Variants in SWAP70 observed in about 807,000 individuals in gnomAD.
SWAP70 encodes switch-associated protein 70.
Under a neutral mutation model 80.2 loss-of-function variants are expected in SWAP70, and 34 were observed. The ratio of observed to expected loss-of-function variants is 0.42; its 90% confidence interval spans 0.32 to 0.56. The LOEUF is 0.56. SWAP70 is among the 20% of genes least tolerant of loss of function. The probability of loss-of-function intolerance (pLI) is 0.09; values close to 1 mark genes in which losing one functional copy is unlikely to be tolerated. For missense variants in SWAP70, 578 were observed against 690.7 expected, an observed-to-expected ratio of 0.84 and a Z score of 1.83; for synonymous variants, 239 against 238.5, an observed-to-expected ratio of 1.00 and a Z score of -0.02.
At chr11:9,736,088 G>A (rs1851359776) in intron 7 of SWAP70, among the ~76,000 whole-genome samples, 2 of 151,784 alleles carry the variant, frequency 1.3e-5, no homozygotes, top group African/African-American at 4.8e-5. Flanking sequence ...AATTTCTATA[G>A]ATCTGTCTTT....
At chr11:9,695,124 A>G (rs1018896731) in intron 2 of SWAP70, among the ~76,000 whole-genome samples, 4 of 152,142 alleles carry the variant, frequency 2.6e-5, no homozygotes, top group Non-Finnish European at 4.4e-5. Flanking sequence ...CCCCATCTCT[A>G]TTAAAAATAC....
intron 2 of SWAP70, among the ~76,000 whole-genome samples, chr11:9,701,296 C>T (rs1000018905): frequency 1.3e-5 from 2 of 151,768 alleles, no homozygotes; most frequent in East Asian, 3.9e-4. Flanking sequence ...CTCAGCCTCC[C>T]GAGTAGCTGG....
chr11:9,749,869 A>G lies in SWAP70; in HGVS notation c.1657A>G (p.Lys553Glu). The G allele has an allele frequency of 6.2e-7, 1 of 1,610,910 alleles. No homozygotes were observed. Among genetic ancestry groups the G allele is most frequent in the Non-Finnish European group, 8.5e-7 (1 of 1,177,142 alleles). ...GLIRLIEPGS[K>E]NPHLITNWGP... Reference sequence around the variant, plus strand: ...AAAGCATGTTTGCCTCTTAGGTTCAAAGAACCCTCACCTGATCACTAACTG... The same window carrying G: ...AAAGCATGTTTGCCTCTTAGGTTCAGAGAACCCTCACCTGATCACTAACTG... The change falls in exon 12 of 12, where the codon AAG becomes GAG. Residue 553 changes from lysine (K) to glutamate (E), a missense_variant. Transcript: ENST00000318950.
intron 9 of SWAP70, among the ~76,000 whole-genome samples, chr11:9,742,879 CA>C (rs1851458783): frequency 1.7e-5 from 2 of 115,486 alleles, no homozygotes; most frequent in Non-Finnish European, 3.4e-5. Context: ...TAACTCTTCT[CA>C]CTCCTTTTTT....
chr11:9,690,758 A>G (rs186862894), intron 1 of SWAP70, among the ~76,000 whole-genome samples: 2,191 of 152,194 alleles, frequency 0.014, 14 homozygotes, highest in Non-Finnish European at 0.021. Flanking sequence ...TAAAAAAGAA[A>G]AAAATACTTG....
Position 9,664,222 on chromosome 11 carries a change from G to T in SWAP70, c.43G>T (p.Ala15Ser). Reference sequence around the variant, plus strand: ...GGAGCTGCTCAAAGCCATCTGGCACGCCTTCACCGCACTCGACCAGGACCA... The same window carrying T: ...GGAGCTGCTCAAAGCCATCTGGCACTCCTTCACCGCACTCGACCAGGACCA... Reference protein sequence around the residue: ...KEELLKAIWHAFTALDQDHSG... With the variant: ...KEELLKAIWHSFTALDQDHSG... The change falls in exon 1 of 12, where the codon GCC becomes TCC. Residue 15 changes from alanine to serine, a missense_variant. Transcript: ENST00000318950. The T allele has an allele frequency of 6.3e-7, 1 of 1,594,716 alleles. No individual in the cohort carries two copies. The highest frequency in any genetic ancestry group is 1.1e-5 in the South Asian group (1 of 87,682).
chr11:9,716,477 T>C (rs1365157091), intron 3 of SWAP70, among the ~76,000 whole-genome samples: 4 of 152,232 alleles, frequency 2.6e-5, no homozygotes, highest in African/African-American at 7.2e-5. Context: ...CTACCACTTA[T>C]TAGCTTTGTG....
intron 9 of SWAP70, among the ~76,000 whole-genome samples, chr11:9,742,698 T>A (rs1851456493): frequency 6.6e-6 from 1 of 152,248 alleles, no homozygotes; most frequent in South Asian, 2.1e-4. Context: ...TGTGGCTGAT[T>A]CAGAGGGACT....
intron 9 of SWAP70, among the ~76,000 whole-genome samples, chr11:9,743,485 A>C (rs1466081513): frequency 1.3e-5 from 2 of 151,476 alleles, no homozygotes; most frequent in Admixed American, 6.6e-5. Context: ...ACTGACTTCC[A>C]CAAAGGTTGA....
intron 11 of SWAP70, among the ~76,000 whole-genome samples, chr11:9,749,393 C>T (rs1851555745): frequency 6.6e-6 from 1 of 152,030 alleles, no homozygotes; most frequent in Non-Finnish European, 1.5e-5. Context: ...ACTACAGGTG[C>T]CCGCCACCAC....
rs552024517 is a variant in SWAP70, at chr11:9,752,616, C to T, written c.*2646C>T. 1 of 152,288 alleles carries T rather than the reference C, an allele frequency of 6.6e-6. No individual in the cohort carries two copies. Among genetic ancestry groups the T allele is most frequent in the Admixed American group, 6.5e-5 (1 of 15,304 alleles). 9.4% of individuals were successfully genotyped at this position (152,288 alleles called of 1,614,324 possible). ...AAAATGGTTTCACCTGTTAAAGGGCCAACAGAACTCTTGGTTTTACTTTTG... is the reference window on the plus strand; with the variant it reads ...AAAATGGTTTCACCTGTTAAAGGGCTAACAGAACTCTTGGTTTTACTTTTG... On this transcript the variant is annotated 3_prime_UTR_variant, in exon 12 of 12. Transcript: ENST00000318950.
At chr11:9,695,147 T>C (rs1223384628) in intron 2 of SWAP70, among the ~76,000 whole-genome samples, 1 of 151,944 alleles carries the variant, frequency 6.6e-6, no homozygotes, top group Non-Finnish European at 1.5e-5. Context: ...AAATTATTTT[T>C]AGTACGTGTG....
intron 7 of SWAP70, among the ~76,000 whole-genome samples, chr11:9,737,832 G>A (rs531543733): frequency 6.6e-6 from 1 of 152,352 alleles, no homozygotes; most frequent in Non-Finnish European, 1.5e-5. Flanking sequence ...GGAGGTGGAG[G>A]TTGCAGTGAG....
At chr11:9,725,039 G>A (rs1851190759) in intron 4 of SWAP70, 154 bp downstream of exon 4, 4 of 614,170 alleles carry the variant, frequency 6.5e-6, no homozygotes, top group Admixed American at 3.1e-5. Flanking sequence ...TTGCTCTGTC[G>A]CCCAGTCTGG....
intron 1 of SWAP70, among the ~76,000 whole-genome samples, chr11:9,669,978 A>G (rs1239747954): frequency 1.3e-5 from 2 of 152,136 alleles, no homozygotes; most frequent in African/African-American, 2.4e-5. Context: ...AAATATAAAA[A>G]TTAGCTGGGT....
intron 4 of SWAP70, among the ~76,000 whole-genome samples, chr11:9,726,556 A>G (rs1851227940): frequency 6.6e-6 from 1 of 152,188 alleles, no homozygotes; most frequent in African/African-American, 2.4e-5. Context: ...GCCGTATGAG[A>G]TAGCTTTTGC....
intron 1 of SWAP70, among the ~76,000 whole-genome samples, chr11:9,671,381 AATATATAAAT>A (rs1241514838): frequency 1.1e-3 from 114 of 105,600 alleles, no homozygotes; most frequent in African/African-American, 4.0e-3. Flanking sequence ...TAAAAATAAA[AATATATAAAT>A]ATATATAAAT....
rs1227618854 is a variant in SWAP70, at chr11:9,748,029, A to G, written c.1527A>G (p.Glu509=). 5 of 1,614,022 alleles carry G rather than the reference A, an allele frequency of 3.1e-6. No homozygotes were observed. In the Admixed American group the frequency reaches 8.3e-5, roughly 27 times the overall value. The change falls in exon 10 of 12, where the codon GAA becomes GAG. Residue 509 remains glutamate, a synonymous_variant. Transcript: ENST00000318950. The part of the protein sequence containing the change: ...AMEQLEQLEL[E]RKQALEQYEE... ...AGCAGCTGGAGCAGCTTGAGTTAGA[A>G]CGGAAGCAAGCACTTGAGCAGTACG...
chr11:9,666,602 A>G (rs1590002699), intron 1 of SWAP70, among the ~76,000 whole-genome samples: 1 of 152,170 alleles, frequency 6.6e-6, no homozygotes, highest in Non-Finnish European at 1.5e-5. Context: ...ATCTACATAC[A>G]TTGAAATCCC....
Sources: gnomAD v4.1 joint callset for allele counts (sites outside exome capture counted in the v4.1 genomes callset) on GRCh38, gnomAD v4.1.1 for gene constraint, MANE v1.5 for transcripts, NCBI Gene and HGNC (gene_info 2026-07-23, HGNC 2026-07-21) for gene names.